The following ZBTB20 variants were observed in gnomAD, a reference collection of about 807,000 sequenced individuals.
ZBTB20 encodes the protein zinc finger and BTB domain containing 20, also known as zinc finger and BTB domain-containing protein 20.
A neutral mutation model predicts 56.9 loss-of-function variants in ZBTB20; 9 were observed. The observed-to-expected ratio is 0.16, with a 90% confidence interval of 0.10 to 0.28. The LOEUF (loss-of-function observed/expected upper bound fraction) is 0.28. Among genes scored for constraint, ZBTB20 ranks in the 10% least tolerant of loss-of-function variants. ZBTB20 has a pLI of 1.00. For synonymous variants in ZBTB20, 417 were observed against 420.7 expected, an observed-to-expected ratio of 0.99 and a Z score of 0.11; for missense variants, 655 against 1,003.0, an observed-to-expected ratio of 0.65 and a Z score of 4.69.
chr3:114,656,076 T>A (rs1437903305), intron 6 of ZBTB20, among the ~76,000 whole-genome samples: 1 of 152,222 alleles, frequency 6.6e-6, no homozygotes, highest in Non-Finnish European at 1.5e-5. Context: ...TTGCTCTACA[T>A]AAAATTCTGG....
At chr3:115,033,069 C>A (rs2080767593) in intron 2 of ZBTB20, among the ~76,000 whole-genome samples, 1 of 148,606 alleles carries the variant, frequency 6.7e-6, no homozygotes, top group Admixed American at 6.7e-5. Context: ...ACCAATAAAA[C>A]CAAAAGTTGG....
intron 10 of ZBTB20, among the ~76,000 whole-genome samples, chr3:114,364,883 T>G (rs2082242829): frequency 6.6e-6 from 1 of 152,164 alleles, no homozygotes; most frequent in Non-Finnish European, 1.5e-5. Flanking sequence ...TTTTCTCCTT[T>G]TAGTTTCCTC....
chr3:114,797,217 T>C (rs1260199450), intron 5 of ZBTB20, among the ~76,000 whole-genome samples: 2 of 151,696 alleles, frequency 1.3e-5, no homozygotes, highest in Non-Finnish European at 2.9e-5. Flanking sequence ...TGTGATGTGC[T>C]TTAAAAAATA....
chr3:114,893,795 A>G (rs763058918), intron 4 of ZBTB20, among the ~76,000 whole-genome samples: 60 of 152,176 alleles, frequency 3.9e-4, no homozygotes, highest in Non-Finnish European at 1.5e-4. Flanking sequence ...GACTCTGGGC[A>G]TGACTTGTCT....
Position 114,558,988 on chromosome 3 carries a change from A to C in ZBTB20, c.-294-58597T>G, listed in dbSNP as rs370923293. On this transcript the variant is annotated intron_variant, in intron 6 of 11. Coordinates refer to ENST00000675478, the MANE Select transcript of ZBTB20 (RefSeq NM_001348800.3). ...TCTCAACCAAATGCCATCTCCTTAC[A>C]TGCCATCCGTGTGAGATTTTACTCT... Among the ~76,000 whole-genome samples, 4 of 152,208 alleles carry C rather than the reference A, an allele frequency of 2.6e-5. No individual in the cohort carries two copies. In the South Asian group the frequency reaches 8.3e-4, roughly 32 times the overall value.
At chr3:114,981,865 T>C (rs2078343181) in intron 2 of ZBTB20, among the ~76,000 whole-genome samples, 1 of 151,996 alleles carries the variant, frequency 6.6e-6, no homozygotes, top group Non-Finnish European at 1.5e-5. Context: ...TTTCATGAGT[T>C]GATGGTTTTT....
chr3:114,404,639 C>G (rs2087133343), intron 7 of ZBTB20, among the ~76,000 whole-genome samples: 1 of 152,008 alleles, frequency 6.6e-6, no homozygotes, highest in Admixed American at 6.6e-5. Flanking sequence ...GCTATTTTTC[C>G]CCATAGCTCT....
intron 6 of ZBTB20, among the ~76,000 whole-genome samples, chr3:114,686,779 C>A (rs1385485400): frequency 1.3e-5 from 2 of 152,124 alleles, no homozygotes; most frequent in Non-Finnish European, 2.9e-5. Flanking sequence ...ATCTACATAT[C>A]TCTAACGAGA....
chr3:114,443,701 A>C (rs946735497), intron 7 of ZBTB20, among the ~76,000 whole-genome samples: 1 of 152,198 alleles, frequency 6.6e-6, no homozygotes, highest in Non-Finnish European at 1.5e-5. Context: ...AATCAGAGGC[A>C]GGGGAATATT....
At position 114,329,921 on chromosome 3, in the gene ZBTB20, C is replaced by T. The variant is rs1461233198; in HGVS notation, c.*9084G>A. The T allele has an allele frequency of 6.6e-6, 1 of 152,142 alleles. No homozygotes were observed. The highest frequency in any genetic ancestry group is 1.5e-5 in the Non-Finnish European group (1 of 68,016). The allele number at this position is 152,142 out of a possible 1,614,324, so 9.4% of individuals were successfully genotyped here. ...TGTCTTACGCTTTTCAGAAGACTGG[C>T]CCTTTGAAACGCAGCCTGTTATTGT... On this transcript the variant is annotated 3_prime_UTR_variant, in exon 12 of 12. Coordinates refer to ENST00000675478, the MANE Select transcript of ZBTB20 (RefSeq NM_001348800.3).
At chr3:114,807,698 T>C (rs544750289) in intron 4 of ZBTB20, among the ~76,000 whole-genome samples, 1 of 152,224 alleles carries the variant, frequency 6.6e-6, no homozygotes, top group East Asian at 1.9e-4. Flanking sequence ...AAAGATTATA[T>C]CACAAATGGA....
At chr3:114,753,876 T>C (rs761321688) in intron 5 of ZBTB20, among the ~76,000 whole-genome samples, 5 of 152,176 alleles carry the variant, frequency 3.3e-5, no homozygotes, top group African/African-American at 4.8e-5. Flanking sequence ...TCAATAAATA[T>C]ATGTCGAAAA....
intron 1 of ZBTB20, among the ~76,000 whole-genome samples, chr3:115,126,008 G>T (rs939331853): frequency 1.3e-5 from 2 of 151,912 alleles, no homozygotes; most frequent in Non-Finnish European, 2.9e-5. Flanking sequence ...AATAGAAAAA[G>T]AATCATACAA....
At chr3:114,890,660 T>G (rs909184421) in intron 4 of ZBTB20, among the ~76,000 whole-genome samples, 3 of 151,934 alleles carry the variant, frequency 2.0e-5, no homozygotes, top group Non-Finnish European at 4.4e-5. Flanking sequence ...AATGACAAGT[T>G]AAGGGGTGCA....
chr3:114,970,732 G>T (rs1051558249), intron 3 of ZBTB20, among the ~76,000 whole-genome samples: 3 of 152,104 alleles, frequency 2.0e-5, no homozygotes, highest in Non-Finnish European at 4.4e-5. Context: ...AAGAAATAAT[G>T]CAGCCGGGGG....
At chr3:114,658,413 TTATTTTGTAGATCACAAAAC>T in intron 6 of ZBTB20, 1 of 152,222 alleles carries the variant, frequency 6.6e-6, no homozygotes, top group Non-Finnish European at 1.5e-5. Context: ...TATTGTAACA[TTATTTTGTAGATCACAAAAC>T]TACAAAGTAT....
intron 4 of ZBTB20, among the ~76,000 whole-genome samples, chr3:114,849,424 T>A (rs1288454702): frequency 6.6e-6 from 1 of 152,230 alleles, no homozygotes; most frequent in Non-Finnish European, 1.5e-5. Flanking sequence ...GTAACTTGGA[T>A]ACACTTCCTC....
At chr3:115,108,025 T>C (rs571259685) in intron 1 of ZBTB20, among the ~76,000 whole-genome samples, 1 of 151,882 alleles carries the variant, frequency 6.6e-6, no homozygotes, top group South Asian at 2.1e-4. Flanking sequence ...TCAGGACAAA[T>C]AGCTAATGCA....
chr3:115,129,309 C>T (rs1042357645), intron 1 of ZBTB20, among the ~76,000 whole-genome samples: 1 of 152,200 alleles, frequency 6.6e-6, no homozygotes, highest in African/African-American at 2.4e-5. Context: ...GACTTAGACA[C>T]ATTCATCCAT....
Sources: gnomAD v4.1 joint callset for allele counts (sites outside exome capture counted in the v4.1 genomes callset) on GRCh38, gnomAD v4.1.1 for gene constraint, MANE v1.5 for transcripts, NCBI Gene and HGNC (gene_info 2026-07-23, HGNC 2026-07-21) for gene names.